Variants in GNA14 observed in about 807,000 individuals in gnomAD.
GNA14 encodes the protein guanine nucleotide-binding protein subunit alpha-14.
Under a neutral mutation model 42.0 loss-of-function variants are expected in GNA14, and 50 were observed. That is an observed-to-expected ratio of 1.19 (90% CI 0.95 to 1.51). GNA14 has a LOEUF of 1.51. Among genes scored for constraint, GNA14 ranks in the 40% most tolerant of loss-of-function variants. GNA14 has a pLI of 0.00. For missense variants in GNA14, 473 were observed against 446.2 expected, an observed-to-expected ratio of 1.06 and a Z score of -0.54; for synonymous variants, 173 against 163.1, an observed-to-expected ratio of 1.06 and a Z score of -0.46.
intron 2 of GNA14, among the ~76,000 whole-genome samples, chr9:77,480,262 G>C (rs187265064): frequency 3.6e-3 from 549 of 152,226 alleles, no homozygotes; most frequent in Non-Finnish European, 6.4e-3. Context: ...TAGCATGAAG[G>C]GTTGTTGAAT....
chr9:77,613,159 G>A (rs1308836844), intron 1 of GNA14, among the ~76,000 whole-genome samples: 5 of 152,102 alleles, frequency 3.3e-5, no homozygotes, highest in Admixed American at 6.6e-5. Context: ...TCTCCATGAC[G>A]TTATCTAACC....
chr9:77,584,175 C>T lies in GNA14; in HGVS notation c.125-54922G>A, dbSNP rs528563743. Reference sequence around the variant, plus strand: ...CTGCCTAAACAGTGCCAAGAAACTGCGAAAGGTAACATTAAGAATCTACCT... The same window carrying T: ...CTGCCTAAACAGTGCCAAGAAACTGTGAAAGGTAACATTAAGAATCTACCT... On this transcript the variant is annotated intron_variant, in intron 1 of 6. Coordinates refer to ENST00000341700, the MANE Select transcript of GNA14 (RefSeq NM_004297.4). Among the ~76,000 whole-genome samples the T allele has an allele frequency of 1.1e-4, 16 of 152,194 alleles. No individual in the cohort carries two copies. The East Asian group carries it at 1.9e-3, about 18-fold the overall frequency.
chr9:77,569,902 G>T (rs1823036079), intron 1 of GNA14, among the ~76,000 whole-genome samples: 3 of 152,050 alleles, frequency 2.0e-5, no homozygotes, highest in South Asian at 4.1e-4. Flanking sequence ...CAACAGCTGG[G>T]ATTACAGGCG....
At chr9:77,549,043 G>A (rs186394815) in intron 1 of GNA14, among the ~76,000 whole-genome samples, 4 of 152,048 alleles carry the variant, frequency 2.6e-5, no homozygotes, top group East Asian at 3.9e-4. Context: ...GGGTTCAAGC[G>A]ATTGCCTCAG....
chr9:77,432,763 T>C (rs1340454399), intron 3 of GNA14, among the ~76,000 whole-genome samples: 1 of 152,124 alleles, frequency 6.6e-6, no homozygotes, highest in Non-Finnish European at 1.5e-5. Flanking sequence ...CTGAATTCTG[T>C]AGCAGGTCTG....
rs182419702 is a variant in GNA14 at position 77,498,983 on chromosome 9, G to A, written c.309+30086C>T. 3.1e-3 allele frequency among the ~76,000 whole-genome samples: 479 copies of A among 152,308 alleles called. 4 individuals carry two copies. Among genetic ancestry groups the A allele is most frequent in the African/African-American group, 0.011 (438 of 41,566 alleles). On this transcript the variant is annotated intron_variant, in intron 2 of 6. Transcript: ENST00000341700. Reference sequence around the variant, plus strand: ...TGCTAACAGCTGTGAGGAATTACATGAGTGGAATTTTCTGACACTTGGCCT... The same window carrying A: ...TGCTAACAGCTGTGAGGAATTACATAAGTGGAATTTTCTGACACTTGGCCT...
At chr9:77,463,745 C>T (rs1004908198) in intron 2 of GNA14, among the ~76,000 whole-genome samples, 14 of 150,438 alleles carry the variant, frequency 9.3e-5, no homozygotes, top group Admixed American at 7.9e-4. Flanking sequence ...AGGTCAATAC[C>T]CCAGGAACCC....
chr9:77,470,920 C>A (rs1018827065), intron 2 of GNA14, among the ~76,000 whole-genome samples: 1 of 152,166 alleles, frequency 6.6e-6, no homozygotes, highest in African/African-American at 2.4e-5. Context: ...TTCACAAGAA[C>A]AGCAAGGGGG....
intron 1 of GNA14, among the ~76,000 whole-genome samples, chr9:77,599,099 A>T (rs1564063110): frequency 2.0e-5 from 3 of 152,230 alleles, no homozygotes; most frequent in African/African-American, 7.2e-5. Flanking sequence ...AGAGGGAAAT[A>T]ACTTACTCAC....
At chr9:77,600,404 C>T (rs975594485) in intron 1 of GNA14, among the ~76,000 whole-genome samples, 4 of 152,176 alleles carry the variant, frequency 2.6e-5, no homozygotes, top group African/African-American at 9.7e-5. Flanking sequence ...CAATTGATTT[C>T]TCCTTTAACT....
chr9:77,591,279 T>C (rs1823387233), intron 1 of GNA14, among the ~76,000 whole-genome samples: 1 of 152,190 alleles, frequency 6.6e-6, no homozygotes, highest in Non-Finnish European at 1.5e-5. Context: ...AATTGCTTCT[T>C]AATATCAAGT....
At chr9:77,624,928 T>G (rs1415814139) in intron 1 of GNA14, among the ~76,000 whole-genome samples, 1 of 151,754 alleles carries the variant, frequency 6.6e-6, no homozygotes, top group East Asian at 2.0e-4. Context: ...CGAAGTAGGC[T>G]TCAGAAGGTG....
At chr9:77,526,103 G>T (rs9942899) in intron 2 of GNA14, among the ~76,000 whole-genome samples, 7,420 of 146,058 alleles carry the variant, frequency 0.051, 651 homozygotes, top group African/African-American at 0.18. Flanking sequence ...TGGAGATGGG[G>T]TTTCACCATG....
intron 1 of GNA14, among the ~76,000 whole-genome samples, chr9:77,582,710 G>A (rs1823243717): frequency 6.6e-6 from 1 of 152,076 alleles, no homozygotes; most frequent in Admixed American, 6.5e-5. Context: ...CCTGTCATCG[G>A]TCTGATATAC....
chr9:77,480,000 G>A (rs1198611826), intron 2 of GNA14, among the ~76,000 whole-genome samples: 4 of 152,090 alleles, frequency 2.6e-5, no homozygotes, highest in Admixed American at 2.6e-4. Context: ...CTGCAAACAG[G>A]GACAATTTGA....
intron 2 of GNA14, among the ~76,000 whole-genome samples, chr9:77,460,940 T>G (rs559679827): frequency 6.6e-6 from 1 of 152,172 alleles, no homozygotes; most frequent in Non-Finnish European, 1.5e-5. Context: ...ATCAACCCAG[T>G]GGGATCACAG....
At position 77,544,689 on chromosome 9, in the gene GNA14, A is replaced by AG. The variant is rs557656102; in HGVS notation, c.125-15437_125-15436insC. Among the ~76,000 whole-genome samples the AG allele has an allele frequency of 4.7e-3, 710 of 151,706 alleles. 5 individuals are homozygous for AG. The highest frequency in any genetic ancestry group is 0.016 in the African/African-American group (676 of 41,260). On this transcript the variant is annotated intron_variant, in intron 1 of 6. Coordinates refer to ENST00000341700, the MANE Select transcript of GNA14 (RefSeq NM_004297.4). The stretch of plus-strand genomic sequence containing the variant: ...TGCATCTCAAAAAAAAAAAAAAAAA[A>AG]AAGAAGGTTCATGGGTTCATGAGCT...
intron 2 of GNA14, among the ~76,000 whole-genome samples, chr9:77,447,394 T>C (rs1171772897): frequency 2.0e-5 from 3 of 152,234 alleles, no homozygotes; most frequent in African/African-American, 7.2e-5. Flanking sequence ...CTGCGAGCAC[T>C]AAGACCTCCT....
At chr9:77,519,181 C>T (rs946230142) in intron 2 of GNA14, among the ~76,000 whole-genome samples, 11 of 152,150 alleles carry the variant, frequency 7.2e-5, no homozygotes, top group Admixed American at 2.0e-4. Flanking sequence ...GAGGCCGAGG[C>T]GGGTGGGTCA....
Sources: gnomAD v4.1 joint callset for allele counts (sites outside exome capture counted in the v4.1 genomes callset) on GRCh38, gnomAD v4.1.1 for gene constraint, MANE v1.5 for transcripts, NCBI Gene and HGNC (gene_info 2026-07-23, HGNC 2026-07-21) for gene names.